FBXO15: variants seen among roughly 807,000 people sequenced by gnomAD.
FBXO15 encodes the protein F-box only protein 15.
In FBXO15, 30 loss-of-function variants were observed where a neutral mutation model predicts 49.5. That is an observed-to-expected ratio of 0.61 (90% confidence interval 0.45 to 0.82). The LOEUF is 0.82. FBXO15 is among the 40% of genes least tolerant of loss of function. The probability of loss-of-function intolerance (pLI) is 0.00; values close to 1 mark genes in which losing one functional copy is unlikely to be tolerated. For synonymous variants in FBXO15, 250 were observed against 232.7 expected (o/e 1.07, Z -0.68); for missense variants, 591 against 631.5 (o/e 0.94, Z 0.69).
intron 7 of FBXO15, among the ~76,000 whole-genome samples, chr18:74,124,139 C>G (rs1470582670): frequency 2.0e-5 from 3 of 152,272 alleles, no homozygotes; most frequent in Middle Eastern, 6.8e-3. Flanking sequence ...ATCCGCAGGC[C>G]AGGTTCAGCC....
intron 2 of FBXO15, among the ~76,000 whole-genome samples, chr18:74,139,755 A>G (rs1276457495): frequency 6.6e-6 from 1 of 152,248 alleles, no homozygotes; most frequent in East Asian, 1.9e-4. Context: ...TCAATTAAAC[A>G]TAATAATTTT....
At chr18:74,105,461 A>G (rs918041424) in intron 8 of FBXO15, among the ~76,000 whole-genome samples, 1 of 151,808 alleles carries the variant, frequency 6.6e-6, no homozygotes, top group Non-Finnish European at 1.5e-5. Flanking sequence ...TTTTTTTGAG[A>G]TGGAGTCTTG....
At chr18:74,107,427 G>A (rs549696513) in intron 8 of FBXO15, among the ~76,000 whole-genome samples, 7 of 152,178 alleles carry the variant, frequency 4.6e-5, no homozygotes, top group Non-Finnish European at 8.8e-5. Context: ...TTTTAAAAAC[G>A]TTGGAAGTCA....
At chr18:74,108,295 T>G (rs947250791) in intron 8 of FBXO15, among the ~76,000 whole-genome samples, 1 of 151,830 alleles carries the variant, frequency 6.6e-6, no homozygotes, top group Admixed American at 6.6e-5. Flanking sequence ...TAAAAAAAAT[T>G]TTTTAAAAAA....
chr18:74,087,167 G>A (rs1436221500), intron 8 of FBXO15, among the ~76,000 whole-genome samples: 1 of 152,224 alleles, frequency 6.6e-6, no homozygotes, highest in Admixed American at 6.5e-5. Flanking sequence ...TTTGCTGGTG[G>A]AAGGTCTTGC....
At chr18:74,090,239 TTCC>T (rs1403267955) in intron 8 of FBXO15, among the ~76,000 whole-genome samples, 6 of 152,180 alleles carry the variant, frequency 3.9e-5, no homozygotes, top group Non-Finnish European at 7.3e-5. Context: ...GGTTTTTGTA[TTCC>T]TCTAGGGTCA....
intron 8 of FBXO15, among the ~76,000 whole-genome samples, chr18:74,087,852 T>C (rs1349700270): frequency 1.3e-5 from 2 of 152,206 alleles, no homozygotes; most frequent in Admixed American, 6.5e-5. Flanking sequence ...GTGTTCCCTT[T>C]TCTCCACAAC....
chr18:74,122,024 T>C (rs889212104), intron 8 of FBXO15, among the ~76,000 whole-genome samples: 1 of 152,172 alleles, frequency 6.6e-6, no homozygotes, highest in Admixed American at 6.5e-5. Flanking sequence ...TTTTCTGACA[T>C]CACAGCCTGA....
At position 74,126,653 on chromosome 18, in the gene FBXO15, C is replaced by T. The variant is rs1484017132; in HGVS notation, c.786-552G>A. 7.2e-5 allele frequency among the ~76,000 whole-genome samples: 11 copies of T among 152,200 alleles called. No individual in the cohort carries two copies. The East Asian group carries it at 9.6e-4, about 13-fold the overall frequency. ...ATCACCAGTGTTTTCATAAAGGAGA[C>T]ACTAACACAGCATTAGACTGAAATC... On this transcript the variant is annotated intron_variant, in intron 5 of 9. Transcript: ENST00000419743.
intron 1 of FBXO15, among the ~76,000 whole-genome samples, chr18:74,146,332 C>G (rs925069681): frequency 1.5e-4 from 23 of 152,280 alleles, no homozygotes; most frequent in African/African-American, 5.5e-4. Flanking sequence ...TTTTTAGCAG[C>G]GGACTTTTCT....
At chr18:74,120,053 T>C (rs1914408813) in intron 8 of FBXO15, among the ~76,000 whole-genome samples, 1 of 152,204 alleles carries the variant, frequency 6.6e-6, no homozygotes. Flanking sequence ...TCTCCGCTAA[T>C]ACTGGCATAG....
intron 8 of FBXO15, among the ~76,000 whole-genome samples, chr18:74,103,126 A>G (rs1913597848): frequency 6.6e-6 from 1 of 152,128 alleles, no homozygotes; most frequent in Non-Finnish European, 1.5e-5. Context: ...TTAAAAAAAG[A>G]AAAGCAATTC....
chr18:74,144,969 T>C (rs537324557), intron 1 of FBXO15, among the ~76,000 whole-genome samples: 2 of 152,234 alleles, frequency 1.3e-5, no homozygotes, highest in Non-Finnish European at 2.9e-5. Context: ...ATAAAATATA[T>C]GTAAATAAAA....
intron 8 of FBXO15, among the ~76,000 whole-genome samples, chr18:74,119,929 C>T (rs1422394480): frequency 6.6e-6 from 1 of 152,182 alleles, no homozygotes; most frequent in Admixed American, 6.5e-5. Context: ...GTGGAAATCG[C>T]ATCTTGTTCC....
chr18:74,079,479 G>GT (rs1912396850), intron 9 of FBXO15, among the ~76,000 whole-genome samples: 2 of 152,110 alleles, frequency 1.3e-5, no homozygotes, highest in African/African-American at 4.8e-5. Flanking sequence ...CAATGAGAAG[G>GT]TATGTAAGCC....
At chr18:74,144,886 T>C (rs558617528) in intron 1 of FBXO15, among the ~76,000 whole-genome samples, 50 of 152,270 alleles carry the variant, frequency 3.3e-4, no homozygotes, top group Non-Finnish European at 6.0e-4. Flanking sequence ...AACTTGTGTG[T>C]CCCGAATTTA....
At chr18:74,073,924 T>C (rs1314834379) in intron 9 of FBXO15, among the ~76,000 whole-genome samples, 194 bp from the exon 10 acceptor site, 1 of 152,168 alleles carries the variant, frequency 6.6e-6, no homozygotes, top group Non-Finnish European at 1.5e-5. Context: ...TCACTTAATA[T>C]TCATTCTCAA....
At chr18:74,132,819 T>C (rs760970736) in intron 3 of FBXO15, among the ~76,000 whole-genome samples, 2 of 152,352 alleles carry the variant, frequency 1.3e-5, no homozygotes, top group East Asian at 3.9e-4. Flanking sequence ...CCAGAGTACA[T>C]GGCAAATAAA....
At chr18:74,090,552 C>A (rs1268274661) in intron 8 of FBXO15, among the ~76,000 whole-genome samples, 1 of 152,120 alleles carries the variant, frequency 6.6e-6, no homozygotes, top group Non-Finnish European at 1.5e-5. Flanking sequence ...GTGCTATAAA[C>A]TTCCTTCATA....
Sources: allele counts gnomAD v4.1 joint callset (sites outside exome capture counted in the v4.1 genomes callset), GRCh38; gene constraint gnomAD v4.1.1; transcripts MANE v1.5; gene names NCBI Gene and HGNC (gene_info 2026-07-23, HGNC 2026-07-21).